Variants in DNAH5 observed in about 807,000 individuals in gnomAD.
DNAH5 encodes dynein axonemal heavy chain 5.
A neutral mutation model predicts 518.2 loss-of-function variants in DNAH5; 372 were observed. The observed-to-expected ratio is 0.72, with a 90% confidence interval of 0.66 to 0.78. The LOEUF is 0.78. Ranked by LOEUF, DNAH5 falls within the 30% of genes least tolerant of loss-of-function variation. DNAH5 has a pLI of 0.00. For missense variants in DNAH5, 5,523 were observed against 5,687.0 expected (o/e 0.97, Z 0.93); for synonymous variants, 2,039 against 2,025.9 (o/e 1.01, Z -0.17).
chr5:13,802,620 A>G (rs924857665), intron 47 of DNAH5, among the ~76,000 whole-genome samples: 2 of 152,190 alleles, frequency 1.3e-5, no homozygotes, highest in African/African-American at 2.4e-5. Context: ...CCAACAAGAC[A>G]AAGGGAGGAA....
chr5:13,967,974 G>C (rs1781635188), intron 1 of DNAH5, among the ~76,000 whole-genome samples: 1 of 152,166 alleles, frequency 6.6e-6, no homozygotes, highest in Non-Finnish European at 1.5e-5. Flanking sequence ...ATTTGTTTGT[G>C]TTGTCTATGA....
At chr5:13,988,377 T>G (rs982057279) in intron 1 of DNAH5, among the ~76,000 whole-genome samples, 2 of 152,006 alleles carry the variant, frequency 1.3e-5, no homozygotes, top group Non-Finnish European at 2.9e-5. Flanking sequence ...GGAATTGTGC[T>G]TGCTGTTTAC....
intron 22 of DNAH5, among the ~76,000 whole-genome samples, chr5:13,876,163 C>T (rs1454820718): frequency 6.6e-6 from 1 of 152,036 alleles, no homozygotes; most frequent in Non-Finnish European, 1.5e-5. Flanking sequence ...GAAAAAATTG[C>T]CTTGAATGTA....
Position 13,894,837 on chromosome 5 carries a change from G to T in DNAH5, c.2260-16C>A. The stretch of plus-strand genomic sequence containing the variant: ...CTAGCATCATCTGCAATGAAATTGG[G>T]GTTAAGTAATCAATTAATATCTCAC... On this transcript the variant is annotated splice_polypyrimidine_tract_variant and intron_variant, in intron 15 of 78. Coordinates refer to ENST00000265104, the MANE Select transcript of DNAH5 (RefSeq NM_001369.3). 1 of 1,611,298 alleles carries T rather than the reference G, an allele frequency of 6.2e-7. No individual in the cohort carries two copies. The highest frequency in any genetic ancestry group is 8.5e-7 in the Non-Finnish European group (1 of 1,179,626).
chr5:13,855,833 T>A (rs1466619547), intron 30 of DNAH5, among the ~76,000 whole-genome samples: 2 of 152,134 alleles, frequency 1.3e-5, no homozygotes, highest in Admixed American at 6.5e-5. Context: ...GAACTCAAGA[T>A]TAAGAAACTC....
rs202169624 is a variant in DNAH5, at chr5:13,754,316, C to T, written c.10442G>A (p.Arg3481Gln). 4.9e-5 allele frequency: 79 copies of T among 1,613,954 alleles called. No homozygotes were observed. The East Asian group carries it at 1.1e-3, about 22-fold the overall frequency. The stretch of plus-strand genomic sequence containing the variant: ...AGCTGTCTGCATCTTGTGTCTGCAT[C>T]GCTCTGCATCTTCAAGCAAGGTCTA... ...EKQTLLEDAE[R>Q]CRHKMQTAST... The change falls in exon 62 of 79, where the codon CGA (arginine) becomes CAA (glutamine). Residue 3481 changes from arginine to glutamine, a missense_variant. Transcript: ENST00000265104.
At chr5:13,732,663 C>T (rs1746772040) in intron 68 of DNAH5, among the ~76,000 whole-genome samples, 1 of 152,112 alleles carries the variant, frequency 6.6e-6, no homozygotes, top group Admixed American at 6.5e-5. Flanking sequence ...GCCACCGCAC[C>T]TGGGTGGGCC....
chr5:13,737,860 G>C (rs1158396396), intron 65 of DNAH5, among the ~76,000 whole-genome samples: 10 of 152,042 alleles, frequency 6.6e-5, no homozygotes, highest in African/African-American at 2.4e-4. Context: ...TCAGGAGTTT[G>C]AGACCAGCCT....
intron 65 of DNAH5, among the ~76,000 whole-genome samples, chr5:13,746,811 A>G (rs1366490909): frequency 1.3e-5 from 2 of 152,068 alleles, no homozygotes; most frequent in South Asian, 2.1e-4. Flanking sequence ...TAAAATATCA[A>G]TAATTGTCCT....
rs763709302 is a variant in DNAH5, at chr5:13,922,302, C to T, written c.465G>A (p.Ala155=). ...CACTGTTGAGCAGGCCTCCATCTGC[C>T]GCATCTAACATGTTAAAACTCACCT... ...HQEVSFNMLD[A]ADGGLLNSVR... Residue 155 remains alanine, a synonymous_variant, in exon 5 of 79, where the codon GCG becomes GCA. Transcript: ENST00000265104. 59 of 1,613,864 alleles carry T rather than the reference C, an allele frequency of 3.7e-5. No individual in the cohort carries two copies. The highest frequency in any genetic ancestry group is 6.7e-5 in the Admixed American group (4 of 59,992).
intron 42 of DNAH5, among the ~76,000 whole-genome samples, chr5:13,816,686 A>G (rs955370548): frequency 2.6e-5 from 4 of 152,210 alleles, no homozygotes; most frequent in African/African-American, 9.6e-5. Flanking sequence ...AACAAAAACA[A>G]TTTCTAATAT....
chr5:13,811,075 G>C (rs1465487427), intron 44 of DNAH5, among the ~76,000 whole-genome samples: 1 of 152,156 alleles, frequency 6.6e-6, no homozygotes, highest in Non-Finnish European at 1.5e-5. Flanking sequence ...GGTTACCAGA[G>C]GCTAGGAAGG....
chr5:13,872,156 C>A (rs916553167), intron 22 of DNAH5, among the ~76,000 whole-genome samples: 1 of 152,172 alleles, frequency 6.6e-6, no homozygotes, highest in Non-Finnish European at 1.5e-5. Context: ...CCCCCCTCCC[C>A]TCAGATCTCC....
rs142865919 is a variant in DNAH5, at chr5:13,922,114, T to C, written c.653A>G (p.Lys218Arg). 7 of 1,613,952 alleles carry C rather than the reference T, an allele frequency of 4.3e-6. No homozygotes were observed. Among genetic ancestry groups the C allele is most frequent in the Non-Finnish European group, 5.9e-6 (7 of 1,179,998 alleles). Residue 218 changes from lysine to arginine, a missense_variant, in exon 5 of 79, where the codon AAG becomes AGG. Coordinates refer to ENST00000265104, the MANE Select transcript of DNAH5 (RefSeq NM_001369.3). The stretch of plus-strand genomic sequence containing the variant: ...CAGCTTATTCGTCCTCACCTTCTCC[T>C]TCAGACTCTCCTGTGCACCCGACAG... ...NVLSGAQESLKEKVNLRKCDI... is the reference protein window; with the variant it reads ...NVLSGAQESLREKVNLRKCDI...
intron 65 of DNAH5, among the ~76,000 whole-genome samples, chr5:13,739,434 C>T (rs1008273251): frequency 6.6e-6 from 1 of 152,158 alleles, no homozygotes; most frequent in Non-Finnish European, 1.5e-5. Flanking sequence ...TGCCTTCCGC[C>T]ATGATTGTAA....
rs866931796 is a variant in DNAH5 at position 13,691,635 on chromosome 5, C to T, written c.*349G>A. On this transcript the variant is annotated 3_prime_UTR_variant, in exon 79 of 79. Coordinates refer to ENST00000265104, the MANE Select transcript of DNAH5 (RefSeq NM_001369.3). Reference sequence around the variant, plus strand: ...CTTGGCTGTTACCAGGCCACGTTAACAGAAGAATAATTCCTCCCAGAGAAA... The same window carrying T: ...CTTGGCTGTTACCAGGCCACGTTAATAGAAGAATAATTCCTCCCAGAGAAA... The T allele has an allele frequency of 3.9e-5, 10 of 258,602 alleles. No homozygotes were observed. Among genetic ancestry groups the T allele is most frequent in the Middle Eastern group, 1.3e-3 (1 of 742 alleles). The allele number at this position is 258,602 out of a possible 1,614,324, so 16.0% of individuals were successfully genotyped here.
chr5:13,852,805 A>G (rs1767075410), intron 30 of DNAH5, among the ~76,000 whole-genome samples: 1 of 152,246 alleles, frequency 6.6e-6, no homozygotes, highest in Non-Finnish European at 1.5e-5. Context: ...TGCTGTAGCC[A>G]GACTGCCTCT....
chr5:13,844,994 C>T lies in DNAH5; in HGVS notation c.5115-1G>A. The T allele has an allele frequency of 6.2e-7, 1 of 1,611,628 alleles. No homozygotes were observed. Among genetic ancestry groups the T allele is most frequent in the Non-Finnish European group, 8.5e-7 (1 of 1,178,134 alleles). On this transcript the variant is annotated splice_acceptor_variant, in intron 31 of 78. Coordinates refer to ENST00000265104, the MANE Select transcript of DNAH5 (RefSeq NM_001369.3). LOFTEE classifies it high-confidence loss of function. Reference sequence around the variant, plus strand: ...GCACAGTCGTTTTTTCTCCAAGTACCTACAAGGAGAGGAAAAACATAAACC... The same window carrying T: ...GCACAGTCGTTTTTTCTCCAAGTACTTACAAGGAGAGGAAAAACATAAACC...
At chr5:13,989,330 G>A (rs1424360242) in intron 1 of DNAH5, among the ~76,000 whole-genome samples, 1 of 151,688 alleles carries the variant, frequency 6.6e-6, no homozygotes, top group East Asian at 1.9e-4. Context: ...CATAAAAATG[G>A]TTTTGAAGAA....
Sources: allele counts gnomAD v4.1 joint callset (sites outside exome capture counted in the v4.1 genomes callset), GRCh38; gene constraint gnomAD v4.1.1; transcripts MANE v1.5; gene names NCBI Gene and HGNC (gene_info 2026-07-23, HGNC 2026-07-21).